TRHDE: variants seen among roughly 807,000 people sequenced by gnomAD.
The protein encoded by TRHDE is thyrotropin-releasing hormone-degrading ectoenzyme.
TRHDE carries 72 observed loss-of-function variants against 125.7 expected under a neutral mutation model. The ratio of observed to expected loss-of-function variants is 0.57; its 90% CI spans 0.47 to 0.70. The LOEUF (loss-of-function observed/expected upper bound fraction) is 0.70, where lower values mean the gene tolerates loss of function less well. Ranked by LOEUF, TRHDE falls within the 30% of genes least tolerant of loss-of-function variation. The pLI is 0.00. For synonymous variants in TRHDE, 509 were observed against 509.1 expected (o/e 1.00, Z 0.00); for missense variants, 1,110 against 1,327.1 (o/e 0.84, Z 2.54).
intron 12 of TRHDE, among the ~76,000 whole-genome samples, chr12:72,605,248 A>G (rs6582094): frequency 6.6e-6 from 1 of 151,922 alleles, no homozygotes; most frequent in Non-Finnish European, 1.5e-5. Context: ...ACGCTTTCAG[A>G]GTATTTTAAT....
intron 6 of TRHDE, among the ~76,000 whole-genome samples, chr12:72,519,965 T>C (rs1468743870): frequency 1.3e-5 from 2 of 152,072 alleles, no homozygotes; most frequent in Non-Finnish European, 2.9e-5. Context: ...GGGTCAGGGG[T>C]CAGGGACCCA....
chr12:72,298,406 G>C (rs1297189437), intron 2 of TRHDE, among the ~76,000 whole-genome samples: 1 of 152,166 alleles, frequency 6.6e-6, no homozygotes, highest in Non-Finnish European at 1.5e-5. Flanking sequence ...GGCATATCTA[G>C]AGTAAAGTAA....
At position 72,575,458 on chromosome 12, in the gene TRHDE, A is replaced by G. The variant is rs768191794; in HGVS notation, c.2266-29A>G. ...ACACCTACCATTTTAATCCTAAATT[A>G]TCCTATTATTTTTTCTAATTGGCCT... On this transcript the variant is annotated intron_variant, in intron 11 of 18. Coordinates refer to ENST00000261180, the MANE Select transcript of TRHDE (RefSeq NM_013381.3). 3.7e-6 allele frequency: 6 copies of G among 1,613,322 alleles called. No individual in the cohort carries two copies. In the East Asian group the frequency reaches 8.9e-5, roughly 24 times the overall value.
chr12:72,189,153 T>C (rs1282211996), intron 2 of TRHDE, among the ~76,000 whole-genome samples: 1 of 152,254 alleles, frequency 6.6e-6, no homozygotes, highest in East Asian at 1.9e-4. Context: ...TGATTGTCAG[T>C]AAATATTACA....
intron 3 of TRHDE, among the ~76,000 whole-genome samples, chr12:72,454,226 T>C (rs963744780): frequency 2.6e-5 from 4 of 152,226 alleles, no homozygotes; most frequent in African/African-American, 9.6e-5. Flanking sequence ...TCTTTGTTTT[T>C]ACCTTATAAT....
rs537505101 is a variant in TRHDE at position 72,353,520 on chromosome 12, A to C, written c.1189-24475A>C. Among the ~76,000 whole-genome samples the C allele has an allele frequency of 5.3e-5, 8 of 151,772 alleles. No homozygotes were observed. In the South Asian group the frequency reaches 1.5e-3, roughly 28 times the overall value. Reference sequence around the variant, plus strand: ...TCGGTAGCTGATTTTTAAATCATTTAATCACAAGAGAAGTACTAGTCATTC... The same window carrying C: ...TCGGTAGCTGATTTTTAAATCATTTCATCACAAGAGAAGTACTAGTCATTC... On this transcript the variant is annotated intron_variant, in intron 2 of 18. Transcript: ENST00000261180.
intron 2 of TRHDE, among the ~76,000 whole-genome samples, chr12:72,194,770 A>G (rs1260047576): frequency 6.6e-6 from 1 of 152,140 alleles, no homozygotes; most frequent in Non-Finnish European, 1.5e-5. Flanking sequence ...TTCTTTATAC[A>G]GTCCACCATT....
chr12:72,261,270 A>T (rs967706584), intron 2 of TRHDE, among the ~76,000 whole-genome samples: 1 of 152,168 alleles, frequency 6.6e-6, no homozygotes, highest in Admixed American at 6.5e-5. Flanking sequence ...CTTTCAGTTA[A>T]AGCACTAACT....
intron 3 of TRHDE, among the ~76,000 whole-genome samples, chr12:72,401,747 A>G (rs935260048): frequency 6.6e-6 from 1 of 152,200 alleles, no homozygotes; most frequent in African/African-American, 2.4e-5. Flanking sequence ...TAGATGAGCA[A>G]GGAGGAACCA....
Position 72,653,039 on chromosome 12 carries a change from C to G in TRHDE, c.2867C>G (p.Ser956Cys), listed in dbSNP as rs1874568743. 1 of 1,606,058 alleles carries G rather than the reference C, an allele frequency of 6.2e-7. No individual in the cohort carries two copies. Among genetic ancestry groups the G allele is most frequent in the Admixed American group, 1.7e-5 (1 of 59,182 alleles). Residue 956 changes from serine to cysteine, a missense_variant, in exon 17 of 19, where the codon TCT becomes TGT. Around this residue, in one of 5 missense-constraint regions of TRHDE, gnomAD observed 527 missense variants for 651.8 expected, o/e 0.81. Coordinates refer to ENST00000261180, the MANE Select transcript of TRHDE (RefSeq NM_013381.3). ...LNRLLNLSLNSEVVLDQDAID... is the reference protein window; with the variant it reads ...LNRLLNLSLNCEVVLDQDAID... ...AGGCTTCTAAATCTGTCACTGAATTCTGAGGTGGTGCTGGATCAAGATGCA... is the reference window on the plus strand; with the variant it reads ...AGGCTTCTAAATCTGTCACTGAATTGTGAGGTGGTGCTGGATCAAGATGCA...
intron 1 of TRHDE, among the ~76,000 whole-genome samples, chr12:72,278,575 A>G (rs1382628225): frequency 6.6e-6 from 1 of 152,150 alleles, no homozygotes. Flanking sequence ...ACAGTGTACA[A>G]GGGTTCTTTT....
At chr12:72,193,301 G>T (rs1877375941) in intron 2 of TRHDE, among the ~76,000 whole-genome samples, 1 of 151,746 alleles carries the variant, frequency 6.6e-6, no homozygotes, top group Admixed American at 6.6e-5. Flanking sequence ...TCCAAATGAG[G>T]AGGCATTTGT....
At chr12:72,314,514 G>A (rs191223746) in intron 2 of TRHDE, among the ~76,000 whole-genome samples, 3 of 152,004 alleles carry the variant, frequency 2.0e-5, no homozygotes, top group South Asian at 2.1e-4. Context: ...TGTAGACACC[G>A]TACATAGATA....
At chr12:72,592,747 G>T in intron 12 of TRHDE, among the ~76,000 whole-genome samples, 3 of 145,994 alleles carry the variant, frequency 2.1e-5, no homozygotes, top group African/African-American at 5.1e-5. Context: ...TCTCACTCTT[G>T]CTACTCAGGC....
chr12:72,220,167 C>G (rs1173440937), intron 2 of TRHDE, among the ~76,000 whole-genome samples: 1 of 152,036 alleles, frequency 6.6e-6, no homozygotes, highest in Non-Finnish European at 1.5e-5. Context: ...AGAGTGAAAG[C>G]CTTATATGAC....
intron 2 of TRHDE, among the ~76,000 whole-genome samples, chr12:72,211,363 C>T (rs1877777293): frequency 6.6e-6 from 1 of 152,052 alleles, no homozygotes; most frequent in African/African-American, 2.4e-5. Context: ...CAAAAAGTAA[C>T]CATGAAAGAG....
rs1340345517 is a variant in TRHDE, at chr12:72,597,745, A to G, written c.2322-21146A>G. 9.7e-4 allele frequency among the ~76,000 whole-genome samples: 10 copies of G among 10,354 alleles called. 1 individual carries two copies. Among genetic ancestry groups the G allele is most frequent in the African/African-American group, 2.6e-3 (10 of 3,774 alleles). 6.8% of individuals were successfully genotyped at this position (10,354 alleles called of 152,430 possible). A position where few individuals can be genotyped will look rare whatever the true frequency, so the allele number is the denominator to read the frequency against. On this transcript the variant is annotated intron_variant, in intron 12 of 18. Transcript: ENST00000261180. ...TATATATATATATATATATATATAT[A>G]TATATATATATATGCATACACACAC...
chr12:72,104,651 A>G (rs560534133), intron 1 of TRHDE, among the ~76,000 whole-genome samples: 32 of 152,344 alleles, frequency 2.1e-4, no homozygotes, highest in African/African-American at 7.0e-4. Flanking sequence ...TGGATAATGA[A>G]CAAGGACAAG....
chr12:72,265,564 G>A (rs1555171661), intron 2 of TRHDE, among the ~76,000 whole-genome samples: 1 of 151,100 alleles, frequency 6.6e-6, no homozygotes, highest in Non-Finnish European at 1.5e-5. Context: ...GAAAAAAAGA[G>A]CTATTTTTCA....
Sources: gnomAD v4.1 joint callset for allele counts (sites outside exome capture counted in the v4.1 genomes callset) on GRCh38, gnomAD v4.1.1 for gene constraint, gnomAD v4.1.1 regional missense constraint, MANE v1.5 for transcripts, NCBI Gene and HGNC (gene_info 2026-07-23, HGNC 2026-07-21) for gene names.